HCRTR2: variants seen among roughly 807,000 people sequenced by gnomAD.
The protein encoded by HCRTR2 is hypocretin receptor 2.
Under a neutral mutation model 49.0 loss-of-function variants are expected in HCRTR2, and 22 were observed. The ratio of observed to expected loss-of-function variants is 0.45; its 90% CI spans 0.32 to 0.64. HCRTR2 has a LOEUF of 0.64. Among genes scored for constraint, HCRTR2 ranks in the 30% least tolerant of loss-of-function variants. The probability of loss-of-function intolerance (pLI) is 0.04; values close to 1 mark genes in which losing one functional copy is unlikely to be tolerated. For synonymous variants in HCRTR2, 236 were observed against 205.3 expected, an observed-to-expected ratio of 1.15 and a Z score of -1.28; for missense variants, 491 against 559.4, an observed-to-expected ratio of 0.88 and a Z score of 1.23.
chr6:55,118,758 C>A (rs1764154512), intron 1 of HCRTR2, among the ~76,000 whole-genome samples: 1 of 150,520 alleles, frequency 6.6e-6, no homozygotes, highest in African/African-American at 2.5e-5. Flanking sequence ...TTTGTTTATT[C>A]TTGTAAATTT....
intron 1 of HCRTR2, among the ~76,000 whole-genome samples, chr6:55,217,968 G>C (rs1319212361): frequency 6.6e-6 from 1 of 152,156 alleles, no homozygotes; most frequent in Non-Finnish European, 1.5e-5. Flanking sequence ...AGGGAAATTG[G>C]CTCACACAGT....
chr6:55,133,769 T>G (rs541304761), intron 1 of HCRTR2, among the ~76,000 whole-genome samples: 63 of 151,864 alleles, frequency 4.1e-4, no homozygotes, highest in Admixed American at 9.8e-4. Context: ...CTTTTTATAT[T>G]AGGAATAAAT....
At chr6:55,223,388 T>C (rs1224432864) in intron 1 of HCRTR2, among the ~76,000 whole-genome samples, 1 of 152,184 alleles carries the variant, frequency 6.6e-6, no homozygotes, top group Non-Finnish European at 1.5e-5. Context: ...ACCATTATCC[T>C]GTAACCATAA....
intron 1 of HCRTR2, among the ~76,000 whole-genome samples, chr6:55,140,272 A>G (rs750365542): frequency 3.3e-5 from 5 of 152,172 alleles, no homozygotes; most frequent in African/African-American, 1.2e-4. Context: ...ATTAAGGCCT[A>G]TAGAAAATAT....
At chr6:55,114,192 G>A (rs1581778857) in intron 1 of HCRTR2, among the ~76,000 whole-genome samples, 2 of 151,756 alleles carry the variant, frequency 1.3e-5, no homozygotes, top group East Asian at 3.9e-4. Flanking sequence ...CAGGTTATGG[G>A]TGCACCAAAA....
chr6:55,202,642 C>G (rs531857481), intron 1 of HCRTR2, among the ~76,000 whole-genome samples: 8 of 152,226 alleles, frequency 5.3e-5, no homozygotes, highest in African/African-American at 1.9e-4. Flanking sequence ...AAGGAGCTCT[C>G]TGATGTCTCT....
At chr6:55,171,168 C>CT (rs1764944574), upstream of HCRTR2, among the ~76,000 whole-genome samples, 2 of 152,290 alleles carry the variant, frequency 1.3e-5, no homozygotes, top group South Asian at 4.1e-4. Flanking sequence ...CTCTCTTCCA[C>CT]AATGATTGAA....
chr6:55,211,189 C>T (rs1368264726), intron 1 of HCRTR2, among the ~76,000 whole-genome samples: 2 of 152,090 alleles, frequency 1.3e-5, no homozygotes, highest in African/African-American at 4.8e-5. Flanking sequence ...GATGAAATCA[C>T]CTAAGGATGC....
At chr6:55,144,974 T>C (rs1233775696) in intron 1 of HCRTR2, among the ~76,000 whole-genome samples, 1 of 152,176 alleles carries the variant, frequency 6.6e-6, no homozygotes, top group Non-Finnish European at 1.5e-5. Context: ...TTCCCATTTT[T>C]CTTTTTTAAA....
At chr6:55,178,860 G>A (rs1765084595) in intron 1 of HCRTR2, among the ~76,000 whole-genome samples, 1 of 152,130 alleles carries the variant, frequency 6.6e-6, no homozygotes, top group African/African-American at 2.4e-5. Flanking sequence ...AAATTTGCCT[G>A]TGCTGGGTCC....
At chr6:55,134,379 C>T (rs1191991763) in intron 1 of HCRTR2, among the ~76,000 whole-genome samples, 1 of 151,720 alleles carries the variant, frequency 6.6e-6, no homozygotes, top group African/African-American at 2.4e-5. Context: ...AATATGATAA[C>T]TGGATGCCCA....
At chr6:55,136,594 A>G (rs1382123709) in intron 1 of HCRTR2, among the ~76,000 whole-genome samples, 1 of 152,196 alleles carries the variant, frequency 6.6e-6, no homozygotes, top group Non-Finnish European at 1.5e-5. Context: ...GATAAAATAT[A>G]TTATATCATC....
intron 1 of HCRTR2, among the ~76,000 whole-genome samples, chr6:55,191,816 T>C (rs990363175): frequency 6.6e-6 from 1 of 151,910 alleles, no homozygotes; most frequent in African/African-American, 2.4e-5. Context: ...TATATAGAAA[T>C]GAGAAGAAAA....
chr6:55,133,982 G>A (rs905201950), intron 1 of HCRTR2, among the ~76,000 whole-genome samples: 16 of 151,816 alleles, frequency 1.1e-4, no homozygotes, highest in African/African-American at 3.9e-4. Context: ...CTGGTCAAAT[G>A]TCACTTAGTA....
intron 1 of HCRTR2, among the ~76,000 whole-genome samples, chr6:55,127,859 C>T (rs1170436480): frequency 6.6e-6 from 1 of 152,192 alleles, no homozygotes; most frequent in Non-Finnish European, 1.5e-5. Flanking sequence ...AATTTTTCTC[C>T]AATTTGTTAG....
chr6:55,171,268 G>A (rs148315838), upstream of HCRTR2, among the ~76,000 whole-genome samples: 15 of 152,122 alleles, frequency 9.9e-5, no homozygotes, highest in Admixed American at 3.3e-4. Context: ...TTTAATGATC[G>A]CCATTCTAAC....
intron 1 of HCRTR2, among the ~76,000 whole-genome samples, chr6:55,213,382 T>C (rs981703176): frequency 6.6e-6 from 1 of 152,184 alleles, no homozygotes; most frequent in South Asian, 2.1e-4. Context: ...CATTTATTTA[T>C]AATTTAAGGA....
At position 55,112,483 on chromosome 6, in the gene HCRTR2, A is replaced by T. The variant is rs527337592; in HGVS notation, c.-378+5938A>T. Among the ~76,000 whole-genome samples, 3 of 150,636 alleles carry T rather than the reference A, an allele frequency of 2.0e-5. No individual in the cohort carries two copies. In the South Asian group the frequency reaches 6.3e-4, roughly 32 times the overall value. ...AAATCAAGGTACACAAATCAGTAAC[A>T]CTGCTTTACACTAACACGACCAAGC... is the stretch of plus-strand genomic sequence containing the variant. On this transcript the variant is annotated intron_variant, in intron 1 of 7. Transcript: ENST00000615358.
chr6:55,268,185 ATT>A (rs1225657164), intron 4 of HCRTR2, among the ~76,000 whole-genome samples: 2 of 152,186 alleles, frequency 1.3e-5, no homozygotes, highest in Non-Finnish European at 2.9e-5. Context: ...TAAGAAAATA[ATT>A]TTTTGAAGAA....
Sources: allele counts gnomAD v4.1 joint callset (sites outside exome capture counted in the v4.1 genomes callset), GRCh38; gene constraint gnomAD v4.1.1; transcripts MANE v1.5; gene names NCBI Gene and HGNC (gene_info 2026-07-23, HGNC 2026-07-21).